The following TEX11 variants were observed in gnomAD, a reference collection of about 807,000 sequenced individuals.
TEX11 encodes testis expressed 11, also known as testis-expressed protein 11.
Under a neutral mutation model 84.4 loss-of-function variants are expected in TEX11, and 7 were observed. That is an observed-to-expected ratio of 0.08 (90% confidence interval 0.05 to 0.16). The LOEUF (loss-of-function observed/expected upper bound fraction) is 0.16. TEX11 is among the 10% of genes least tolerant of loss of function. The probability of loss-of-function intolerance (pLI) is 1.00; values close to 1 mark genes in which losing one functional copy is unlikely to be tolerated. For missense variants in TEX11, 551 were observed against 660.5 expected, an observed-to-expected ratio of 0.83 and a Z score of 1.82; for synonymous variants, 264 against 222.8, an observed-to-expected ratio of 1.18 and a Z score of -1.64.
chrX:70,841,206 C>A (rs1396510943), intron 7 of TEX11, among the ~76,000 whole-genome samples: 1 of 110,344 alleles, frequency 9.1e-6, no homozygotes, highest in Non-Finnish European at 1.9e-5. Flanking sequence ...CACACCTATT[C>A]CAAAATTGAC....
chrX:70,675,968 G>T (rs368035693), intron 15 of TEX11, among the ~76,000 whole-genome samples: 1 of 111,700 alleles, frequency 9.0e-6, no homozygotes, highest in East Asian at 2.8e-4. Flanking sequence ...ACTACTCTAG[G>T]TACCTCATGT....
At position 70,677,877 on chromosome X, in the gene TEX11, G is replaced by A. The variant is rs774576479; in HGVS notation, c.1242+927C>T. Among the ~76,000 whole-genome samples the A allele has an allele frequency of 1.1e-4, 10 of 94,978 alleles. No individual in the cohort carries two copies. The South Asian group carries it at 4.7e-3, about 45-fold the overall frequency. 82.5% of individuals were successfully genotyped at this position (94,978 alleles called of 115,157 possible). ...TCGCCAGGCTGGAGTGCAGTGGCGC[G>A]ATCTCGGCTCACTGCAACCTCTGCC... On this transcript the variant is annotated intron_variant, in intron 15 of 29. Transcript: ENST00000374333.
At chrX:70,884,582 T>A (rs958440381) in intron 2 of TEX11, among the ~76,000 whole-genome samples, 2 of 111,575 alleles carry the variant, frequency 1.8e-5, no homozygotes, top group African/African-American at 6.5e-5. Context: ...AATTACATTG[T>A]AAATCGTAAT....
chrX:70,666,189 C>A (rs955209836), intron 16 of TEX11, among the ~76,000 whole-genome samples: 4 of 111,100 alleles, frequency 3.6e-5, no homozygotes, highest in African/African-American at 1.3e-4. Flanking sequence ...TAGGGATAAA[C>A]AGAACTGTTA....
At chrX:70,881,791 C>A (rs747572090) in intron 2 of TEX11, among the ~76,000 whole-genome samples, 1 of 109,987 alleles carries the variant, frequency 9.1e-6, no homozygotes, top group East Asian at 2.8e-4. Context: ...CCAATAAAGA[C>A]GTCACAAAGC....
chrX:70,640,837 G>A (rs960928618), intron 17 of TEX11, among the ~76,000 whole-genome samples: 8 of 110,547 alleles, frequency 7.2e-5, no homozygotes, highest in East Asian at 5.7e-4. Context: ...AAAGACCATC[G>A]AGACTAGGAA....
the TEX11 span, among the ~76,000 whole-genome samples, chrX:70,514,725 A>G: frequency 9.0e-6 from 1 of 111,101 alleles, no homozygotes; most frequent in Non-Finnish European, 1.9e-5. Flanking sequence ...AAGATACAGC[A>G]GCAATGAGGG....
the TEX11 span, among the ~76,000 whole-genome samples, chrX:70,511,707 C>T: frequency 8.7e-5 from 8 of 91,996 alleles, 1 homozygote; most frequent in African/African-American, 2.5e-4. Flanking sequence ...GAGCCGAGAC[C>T]GCACCATTGC....
intron 16 of TEX11, among the ~76,000 whole-genome samples, chrX:70,661,965 C>T (rs1397964837): frequency 1.8e-5 from 2 of 112,156 alleles, no homozygotes; most frequent in Non-Finnish European, 3.8e-5. Context: ...GATTGCCTCT[C>T]CTCCTCCAAA....
At chrX:70,651,853 A>G (rs1360329471) in intron 16 of TEX11, among the ~76,000 whole-genome samples, 1 of 112,034 alleles carries the variant, frequency 8.9e-6, no homozygotes, top group Non-Finnish European at 1.9e-5. Flanking sequence ...ACAAATAGCA[A>G]AAGAATTACC....
chrX:70,675,108 C>T (rs1261109422), intron 15 of TEX11, among the ~76,000 whole-genome samples: 1 of 111,093 alleles, frequency 9.0e-6, no homozygotes, highest in African/African-American at 3.3e-5. Context: ...ATGCATCTTA[C>T]TTTTACAGGT....
chrX:70,742,150 C>A (rs1196717407), intron 10 of TEX11, among the ~76,000 whole-genome samples: 1 of 110,393 alleles, frequency 9.1e-6, no homozygotes, highest in Non-Finnish European at 1.9e-5. Context: ...ATAGGGGTAA[C>A]CAATTCCCTG....
intron 10 of TEX11, among the ~76,000 whole-genome samples, chrX:70,742,170 A>C (rs965823537): frequency 1.0e-4 from 11 of 110,400 alleles, no homozygotes; most frequent in Non-Finnish European, 1.7e-4. Context: ...GATGTCCAAC[A>C]CCATATATTC....
intron 5 of TEX11, among the ~76,000 whole-genome samples, chrX:70,853,820 G>A (rs900451399): frequency 1.8e-5 from 2 of 112,074 alleles, no homozygotes; most frequent in African/African-American, 6.5e-5. Flanking sequence ...GCACAAAAAT[G>A]CAAAATGTGG....
intron 25 of TEX11, among the ~76,000 whole-genome samples, chrX:70,561,272 T>TTGA (rs1305995950): frequency 1.8e-5 from 2 of 110,005 alleles, no homozygotes; most frequent in African/African-American, 6.6e-5. Context: ...TTGATGGATT[T>TTGA]TGATGCTATC....
chrX:70,860,240 A>T lies in TEX11; in HGVS notation c.324+617T>A, dbSNP rs762123819. Among the ~76,000 whole-genome samples the T allele has an allele frequency of 3.6e-5, 4 of 111,749 alleles. No individual in the cohort carries two copies. In the East Asian group the frequency reaches 1.1e-3, roughly 31 times the overall value. ...ACTCAGTTTTATCATATTATATATGATACAGGATTTATCAGACTGTTGTCA... is the reference window on the plus strand; with the variant it reads ...ACTCAGTTTTATCATATTATATATGTTACAGGATTTATCAGACTGTTGTCA... On this transcript the variant is annotated intron_variant, in intron 5 of 29. Transcript: ENST00000374333.
chrX:70,888,908 G>C (rs1289762533), intron 2 of TEX11, among the ~76,000 whole-genome samples: 1 of 111,233 alleles, frequency 9.0e-6, no homozygotes, highest in African/African-American at 3.3e-5. Context: ...AAACCTTATA[G>C]GCCAGGAGAG....
At chrX:70,819,641 T>C (rs888278492) in intron 8 of TEX11, among the ~76,000 whole-genome samples, 2 of 111,179 alleles carry the variant, frequency 1.8e-5, no homozygotes, top group Non-Finnish European at 3.8e-5. Context: ...GGTAAAATCA[T>C]CTGTGCTTGC....
At chrX:70,638,477 T>G (rs77264637) in intron 17 of TEX11, among the ~76,000 whole-genome samples, 6,970 of 111,236 alleles carry the variant, frequency 0.063, 325 homozygotes, top group Admixed American at 0.23. Context: ...CTTGTCTTAC[T>G]AGAAACTAAC....
Sources: allele counts gnomAD v4.1 joint callset (sites outside exome capture counted in the v4.1 genomes callset), GRCh38; gene constraint gnomAD v4.1.1; transcripts MANE v1.5; gene names NCBI Gene and HGNC (gene_info 2026-07-23, HGNC 2026-07-21).